Variants in MYH15 observed in about 807,000 individuals in gnomAD.
MYH15 encodes myosin-15.
Under a neutral mutation model 240.5 loss-of-function variants are expected in MYH15, and 227 were observed. That is an observed-to-expected ratio of 0.94 (90% CI 0.85 to 1.05). The LOEUF (loss-of-function observed/expected upper bound fraction) is 1.05. Among genes scored for constraint, MYH15 ranks in the 50% least tolerant of loss-of-function variants. The pLI, the probability that MYH15 is intolerant of heterozygous loss-of-function variation, is 0.00. For synonymous variants in MYH15, 785 were observed against 796.7 expected, an observed-to-expected ratio of 0.99 and a Z score of 0.25; for missense variants, 2,217 against 2,247.5, an observed-to-expected ratio of 0.99 and a Z score of 0.27.
intron 8 of MYH15, 80 bp downstream of exon 8, chr3:108,493,022 AAAGGAAGGAAGG>A (rs61139688): frequency 7.3e-6 from 5 of 682,864 alleles, no homozygotes; most frequent in African/African-American, 1.9e-5. Flanking sequence ...AGAAAGAAGA[AAAGGAAGGAAGG>A]AAGGAAGGAA....
upstream of MYH15, among the ~76,000 whole-genome samples, chr3:108,529,910 T>C (rs1224280313): frequency 1.3e-5 from 2 of 152,124 alleles, no homozygotes; most frequent in Non-Finnish European, 2.9e-5. Flanking sequence ...GAGTACTGGA[T>C]AGGAGAGAGC....
In MYH15 at chr3:108,501,815, G is replaced by A; in HGVS notation, c.236C>T (p.Pro79Leu). 1 of 1,614,058 alleles carries A rather than the reference G, an allele frequency of 6.2e-7. No individual in the cohort carries two copies. The change falls in exon 3 of 41, where the codon CCT (proline) becomes CTT (leucine). Residue 79 changes from proline (P) to leucine (L), a missense_variant. By Grantham distance (98) the Pro-to-Leu change is moderately conservative. Coordinates refer to ENST00000693548, the MANE Select transcript of MYH15 (RefSeq NM_014981.3). ...IKEDKIQQMN[P>L]PEFEMIEDMA... The stretch of plus-strand genomic sequence containing the variant: ...GTCTTCAATCATTTCAAACTCTGGA[G>A]GATTCATCTGCTGGATTTTGTCCTC...
At chr3:108,500,614 A>G (rs1469191893) in intron 3 of MYH15, among the ~76,000 whole-genome samples, 1 of 152,192 alleles carries the variant, frequency 6.6e-6, no homozygotes, top group African/African-American at 2.4e-5. Context: ...ACTCTGCCTC[A>G]GCAAGATTAG....
chr3:108,428,621 G>A lies in MYH15; in HGVS notation c.3573C>T (p.Ser1191=). The change falls in exon 27 of 41, where the codon AGC becomes AGT. Residue 1191 remains serine (S), a synonymous_variant. Coordinates refer to ENST00000693548, the MANE Select transcript of MYH15 (RefSeq NM_014981.3). ...CTACCTGGCCCTCGAGCTCAGCCAGGCTGTCTGCATGTCTCTTCTTCAAAG... is the reference window on the plus strand; with the variant it reads ...CTACCTGGCCCTCGAGCTCAGCCAGACTGTCTGCATGTCTCTTCTTCAAAG... ...SASLKKRHAD[S]LAELEGQVEN... 1 of 1,613,600 alleles carries A rather than the reference G, an allele frequency of 6.2e-7. No homozygotes were observed. The highest frequency in any genetic ancestry group is 8.5e-7 in the Non-Finnish European group (1 of 1,179,974).
chr3:108,484,674 T>A (rs2107595443), intron 11 of MYH15, among the ~76,000 whole-genome samples: 1 of 152,176 alleles, frequency 6.6e-6, no homozygotes, highest in African/African-American at 2.4e-5. Context: ...GAGACAGGGT[T>A]TCGCTATATT....
At chr3:108,499,085 G>T (rs527423966) in intron 5 of MYH15, among the ~76,000 whole-genome samples, 4 of 152,196 alleles carry the variant, frequency 2.6e-5, no homozygotes, top group African/African-American at 7.2e-5. Flanking sequence ...CTTGTTATCT[G>T]TTCCATGGGC....
At chr3:108,498,195 C>A (rs1206857852) in intron 5 of MYH15, 50 bp from the exon 6 acceptor site, 5 of 1,534,420 alleles carry the variant, frequency 3.3e-6, no homozygotes, top group Non-Finnish European at 4.5e-6. Context: ...ATTATCAATG[C>A]AACGAAAGTT....
chr3:108,478,617 C>T (rs915172529), intron 11 of MYH15, among the ~76,000 whole-genome samples: 3 of 150,594 alleles, frequency 2.0e-5, no homozygotes, highest in Non-Finnish European at 4.4e-5. Flanking sequence ...TGCCTGGCAA[C>T]CTGAGTGGAG....
intron 32 of MYH15, 77 bp downstream of exon 32, chr3:108,408,203 G>T: frequency 6.8e-7 from 1 of 1,461,478 alleles, no homozygotes; most frequent in South Asian, 1.3e-5. Flanking sequence ...TCCTTTTGTT[G>T]GTGCTGCTGT....
rs145456855 is a variant in MYH15, at chr3:108,517,980, C to T, written c.-57-7393G>A. 1.2e-4 allele frequency among the ~76,000 whole-genome samples: 18 copies of T among 152,306 alleles called. No homozygotes were observed. In the East Asian group the frequency reaches 3.3e-3, roughly 28 times the overall value. ...ACAGGTCAAGGAGGCATAACGCTCT[C>T]ATCTACATTTGTATTTTTAAGAATA... On this transcript the variant is annotated intron_variant, in intron 1 of 41. Transcript: ENST00000273353.
chr3:108,539,855 T>C, the MYH15 span, among the ~76,000 whole-genome samples: 1 of 152,152 alleles, frequency 6.6e-6, no homozygotes, highest in Non-Finnish European at 1.5e-5. Flanking sequence ...GTTTCACAGG[T>C]CAGTTCTACT....
At chr3:108,525,216 G>A (rs188123120) in intron 1 of MYH15, among the ~76,000 whole-genome samples, 391 of 152,056 alleles carry the variant, frequency 2.6e-3, no homozygotes, top group African/African-American at 8.7e-3. Flanking sequence ...TAAAACTAAC[G>A]ATTTGGGGTA....
intron 26 of MYH15, among the ~76,000 whole-genome samples, 160 bp downstream of exon 26, chr3:108,430,672 T>C (rs959366908): frequency 7.2e-5 from 11 of 152,232 alleles, no homozygotes; most frequent in Admixed American, 3.9e-4. Flanking sequence ...ACTCTATCTG[T>C]GGAATGCCAC....
chr3:108,489,681 A>G (rs1335651875), intron 9 of MYH15, among the ~76,000 whole-genome samples: 2 of 152,118 alleles, frequency 1.3e-5, no homozygotes, highest in African/African-American at 4.8e-5. Flanking sequence ...ATTCTTTTGT[A>G]GTATGGACAA....
chr3:108,531,654 A>G (rs1288514682), upstream of MYH15, among the ~76,000 whole-genome samples: 1 of 152,014 alleles, frequency 6.6e-6, no homozygotes. Context: ...GTGGGCACCC[A>G]TAGTCCCAGC....
upstream of MYH15, among the ~76,000 whole-genome samples, chr3:108,532,691 T>C (rs150194573): frequency 1.3e-5 from 2 of 152,292 alleles, no homozygotes; most frequent in African/African-American, 2.4e-5. Context: ...TTGACTAATA[T>C]GTCATCTTAG....
upstream of MYH15, among the ~76,000 whole-genome samples, chr3:108,530,648 TG>T (rs1450481324): frequency 2.0e-5 from 3 of 152,178 alleles, no homozygotes; most frequent in African/African-American, 7.2e-5. Flanking sequence ...ATGTTGATAA[TG>T]GGTGAGGCTA....
chr3:108,471,111 G>A, intron 12 of MYH15, among the ~76,000 whole-genome samples: 1 of 142,488 alleles, frequency 7.0e-6, no homozygotes, highest in Non-Finnish European at 1.5e-5. Flanking sequence ...GAGGGAGGGG[G>A]AAAATGAAGG....
chr3:108,414,611 C>T (rs191050084), intron 29 of MYH15, among the ~76,000 whole-genome samples, 183 bp from the exon 30 acceptor site: 215 of 152,242 alleles, frequency 1.4e-3, no homozygotes, highest in African/African-American at 4.6e-3. Flanking sequence ...TAGATAGTAT[C>T]TAATTGCTGC....
Sources: gnomAD v4.1 joint callset for allele counts (sites outside exome capture counted in the v4.1 genomes callset) on GRCh38, gnomAD v4.1.1 for gene constraint, MANE v1.5 for transcripts, NCBI Gene and HGNC (gene_info 2026-07-23, HGNC 2026-07-21) for gene names.